The following CRIM1 variants were observed in gnomAD, a reference collection of about 807,000 sequenced individuals.
CRIM1 encodes cysteine rich transmembrane BMP regulator 1.
CRIM1 carries 32 observed loss-of-function variants against 116.4 expected under a neutral mutation model. The ratio of observed to expected loss-of-function variants is 0.27; its 90% CI spans 0.21 to 0.37. CRIM1 has a LOEUF of 0.37. Among genes scored for constraint, CRIM1 ranks in the 10% least tolerant of loss-of-function variants. The pLI is 1.00. For missense variants in CRIM1, 1,331 were observed against 1,354.8 expected (o/e 0.98, Z 0.28); for synonymous variants, 590 against 509.2 (o/e 1.16, Z -2.13).
At chr2:36,474,354 T>G (rs977079406) in intron 5 of CRIM1, among the ~76,000 whole-genome samples, 7 of 152,192 alleles carry the variant, frequency 4.6e-5, no homozygotes, top group Non-Finnish European at 8.8e-5. Flanking sequence ...GTTCCTTTGT[T>G]GCTTATGCTT....
At chr2:36,413,071 C>T (rs1486278565) in intron 2 of CRIM1, among the ~76,000 whole-genome samples, 1 of 152,120 alleles carries the variant, frequency 6.6e-6, no homozygotes, top group Non-Finnish European at 1.5e-5. Flanking sequence ...CACTTACTGG[C>T]ATTTGGGAGG....
chr2:36,386,840 T>TATTA (rs1371417458), intron 1 of CRIM1, among the ~76,000 whole-genome samples: 3 of 152,312 alleles, frequency 2.0e-5, no homozygotes, highest in Admixed American at 6.5e-5. Flanking sequence ...CTAAAGGAAG[T>TATTA]ATTAACCACT....
intron 2 of CRIM1, among the ~76,000 whole-genome samples, chr2:36,430,835 G>A: frequency 6.6e-6 from 1 of 152,124 alleles, no homozygotes; most frequent in Non-Finnish European, 1.5e-5. Flanking sequence ...GTTTTTGGAG[G>A]CACTCCTTAC....
chr2:36,477,441 C>T lies in CRIM1; in HGVS notation c.1174+370C>T, dbSNP rs1679070271. ...CACCACCTCCTCACCTCAGATTGCTCAGTTAGGATAATGTGGGCCTCACCC... is the reference window on the plus strand; with the variant it reads ...CACCACCTCCTCACCTCAGATTGCTTAGTTAGGATAATGTGGGCCTCACCC... On this transcript the variant is annotated intron_variant, in intron 6 of 16. Transcript: ENST00000280527. 2.0e-5 allele frequency among the ~76,000 whole-genome samples: 3 copies of T among 152,210 alleles called. No individual in the cohort carries two copies. In the South Asian group the frequency reaches 6.2e-4, roughly 31 times the overall value.
chr2:36,467,416 C>T (rs848558), intron 5 of CRIM1, among the ~76,000 whole-genome samples: 58,659 of 152,044 alleles, frequency 0.39, 12,917 homozygotes, highest in African/African-American at 0.57. Context: ...ATGAATGTGT[C>T]TGTGTATGTA....
At chr2:36,443,829 C>A (rs553280101) in intron 4 of CRIM1, among the ~76,000 whole-genome samples, 6 of 152,308 alleles carry the variant, frequency 3.9e-5, no homozygotes, top group African/African-American at 1.4e-4. Context: ...CTTGGCATCT[C>A]CTAGCCTTTG....
chr2:36,371,461 A>C (rs1669940075), intron 1 of CRIM1, among the ~76,000 whole-genome samples: 1 of 152,164 alleles, frequency 6.6e-6, no homozygotes, highest in Non-Finnish European at 1.5e-5. Context: ...AGGTCATCCA[A>C]GATATTATAC....
chr2:36,417,397 A>G (rs530454618), intron 2 of CRIM1, among the ~76,000 whole-genome samples: 5 of 152,312 alleles, frequency 3.3e-5, no homozygotes, highest in African/African-American at 1.2e-4. Flanking sequence ...CTGTTTACCA[A>G]TTTAACAAAG....
intron 1 of CRIM1, chr2:36,369,169 A>G (rs1188829856): frequency 1.3e-5 from 2 of 152,262 alleles, no homozygotes; most frequent in African/African-American, 2.4e-5. Flanking sequence ...GAGAATCTGC[A>G]TGCCAAGGGC....
chr2:36,460,144 G>A (rs1287768092), intron 4 of CRIM1, among the ~76,000 whole-genome samples: 1 of 152,072 alleles, frequency 6.6e-6, no homozygotes, highest in African/African-American at 2.4e-5. Flanking sequence ...CCTGGCTGCA[G>A]CTGTGGTTAC....
At chr2:36,402,823 C>T (rs922359211) in intron 2 of CRIM1, among the ~76,000 whole-genome samples, 1 of 151,502 alleles carries the variant, frequency 6.6e-6, no homozygotes, top group African/African-American at 2.4e-5. Flanking sequence ...GGAGTTTAAG[C>T]AAATTGTAGT....
At chr2:36,449,339 C>A (rs1306873279) in intron 4 of CRIM1, among the ~76,000 whole-genome samples, 2 of 152,172 alleles carry the variant, frequency 1.3e-5, no homozygotes, top group Admixed American at 1.3e-4. Flanking sequence ...TGCACTGTCC[C>A]TTGTGGCCCT....
chr2:36,529,023 G>A (rs1665940741), intron 13 of CRIM1: 1 of 447,264 alleles, frequency 2.2e-6, no homozygotes, highest in African/African-American at 2.0e-5. Context: ...AAGCTGCATA[G>A]TCTTTAGGTG....
At chr2:36,389,981 T>C (rs1671451412) in intron 1 of CRIM1, among the ~76,000 whole-genome samples, 6 of 152,182 alleles carry the variant, frequency 3.9e-5, no homozygotes, top group Admixed American at 3.3e-4. Flanking sequence ...GGCCTCATGC[T>C]TCATATCCTT....
intron 2 of CRIM1, among the ~76,000 whole-genome samples, chr2:36,430,811 G>A (rs1270811718): frequency 6.6e-6 from 1 of 152,118 alleles, no homozygotes; most frequent in Non-Finnish European, 1.5e-5. Context: ...CTAAACACTG[G>A]GAGATCTTTG....
intron 2 of CRIM1, among the ~76,000 whole-genome samples, chr2:36,402,388 G>A (rs1334505401): frequency 6.8e-6 from 1 of 146,662 alleles, no homozygotes; most frequent in African/African-American, 2.5e-5. Flanking sequence ...GCTCTAAGGA[G>A]AGAACAAGCT....
intron 1 of CRIM1, among the ~76,000 whole-genome samples, chr2:36,385,160 T>G (rs1475113496): frequency 1.3e-5 from 2 of 152,132 alleles, no homozygotes; most frequent in Non-Finnish European, 2.9e-5. Context: ...AGACCAGTAT[T>G]AGAGTTAATG....
At position 36,478,839 on chromosome 2, in the gene CRIM1, T is replaced by C. The variant is rs1301252525; in HGVS notation, c.1175-658T>C. The stretch of plus-strand genomic sequence containing the variant: ...TATACTTGTCAGTAACCTCAGAAAC[T>C]TTTTTTTTTTTACAGTAGCTTTGGC... On this transcript the variant is annotated intron_variant, in intron 6 of 16. Transcript: ENST00000280527. 7.1e-5 allele frequency among the ~76,000 whole-genome samples: 4 copies of C among 56,538 alleles called. No homozygotes were observed. In the South Asian group the frequency reaches 1.9e-3, roughly 27 times the overall value. 37.1% of individuals were successfully genotyped at this position (56,538 alleles called of 152,430 possible).
intron 2 of CRIM1, among the ~76,000 whole-genome samples, chr2:36,435,894 TG>T (rs1172137727): frequency 6.7e-6 from 1 of 148,868 alleles, no homozygotes; most frequent in East Asian, 2.0e-4. Context: ...CAAGTGATAT[TG>T]TCACTTTGGT....
Sources: gnomAD v4.1 joint callset for allele counts (sites outside exome capture counted in the v4.1 genomes callset) on GRCh38, gnomAD v4.1.1 for gene constraint, MANE v1.5 for transcripts, NCBI Gene and HGNC (gene_info 2026-07-23, HGNC 2026-07-21) for gene names.